GALNT2: variants seen among roughly 807,000 people sequenced by gnomAD.
GALNT2 encodes the protein UDP-GalNAc:polypeptide N-acetylgalactosaminyltransferase 2.
GALNT2 carries 31 observed loss-of-function variants against 81.4 expected under a neutral mutation model. The observed-to-expected ratio is 0.38, with a 90% CI of 0.29 to 0.51. The LOEUF is 0.51. Among genes scored for constraint, GALNT2 ranks in the 20% least tolerant of loss-of-function variants. GALNT2 has a pLI of 0.87. For synonymous variants in GALNT2, 303 were observed against 287.4 expected (o/e 1.05, Z -0.55); for missense variants, 629 against 765.7 (o/e 0.82, Z 2.11).
At position 230,275,977 on chromosome 1, in the gene GALNT2, A is replaced by G. The variant is rs779175630; in HGVS notation, c.1560+1413A>G. ...ATACGTATATATACATGCCACATAT[A>G]TATACGTATATATACATGCCACATA... On this transcript the variant is annotated intron_variant, in intron 15 of 15. Coordinates refer to ENST00000366672, the MANE Select transcript of GALNT2 (RefSeq NM_004481.5). This position sits in a 1 kb window ranked among gnomAD's most constrained non-coding sequence, Gnocchi z 5.5. 1.3e-5 allele frequency among the ~76,000 whole-genome samples: 1 copy of G among 78,090 alleles called. No individual in the cohort carries two copies. Among genetic ancestry groups the G allele is most frequent in the Non-Finnish European group, 2.6e-5 (1 of 38,580 alleles). 51.2% of individuals were successfully genotyped at this position (78,090 alleles called of 152,430 possible). A position where few individuals can be genotyped will look rare whatever the true frequency, so the allele number is the denominator to read the frequency against.
intron 1 of GALNT2, among the ~76,000 whole-genome samples, chr1:230,100,231 A>G (rs911886317): frequency 1.5e-4 from 22 of 151,470 alleles, no homozygotes; most frequent in African/African-American, 5.1e-4. Context: ...TCCATAGGAC[A>G]TTGGTGACAC....
chr1:230,058,811 C>G (rs374378666), intron 1 of GALNT2, among the ~76,000 whole-genome samples: 1 of 152,162 alleles, frequency 6.6e-6, no homozygotes, highest in African/African-American at 2.4e-5. Flanking sequence ...GGATTTTGAG[C>G]TTAGTGTCAC....
intron 1 of GALNT2, among the ~76,000 whole-genome samples, chr1:230,100,866 TATAC>T (rs1660382427): frequency 2.0e-5 from 1 of 49,716 alleles, no homozygotes; most frequent in Non-Finnish European, 4.1e-5. Flanking sequence ...GTATGGGAAA[TATAC>T]ATGTACACAT....
chr1:230,191,664 A>T (rs1305179298), intron 2 of GALNT2, among the ~76,000 whole-genome samples: 1 of 152,196 alleles, frequency 6.6e-6, no homozygotes, highest in African/African-American at 2.4e-5. Flanking sequence ...GGTATGTGCC[A>T]CTATGCCAGA....
chr1:230,150,976 C>T lies in GALNT2; in HGVS notation c.127-27242C>T, dbSNP rs969282727. ...GGCCACCATTCTCAACTCCTCAGGA[C>T]GAGGCTGGTGCACCCGGCATGCAGG... is the stretch of plus-strand genomic sequence containing the variant. On this transcript the variant is annotated intron_variant, in intron 1 of 15. Transcript: ENST00000366672. Among the ~76,000 whole-genome samples the T allele has an allele frequency of 5.3e-5, 8 of 152,324 alleles. No homozygotes were observed. In the East Asian group the frequency reaches 7.7e-4, roughly 15 times the overall value.
At position 230,134,479 on chromosome 1, in the gene GALNT2, A is replaced by G. The variant is rs139237914; in HGVS notation, c.127-43739A>G. Among the ~76,000 whole-genome samples, 45 of 152,314 alleles carry G rather than the reference A, an allele frequency of 3.0e-4. 1 individual carries two copies. In the East Asian group the frequency reaches 7.9e-3, roughly 27 times the overall value. On this transcript the variant is annotated intron_variant, in intron 1 of 15. Transcript: ENST00000366672. ...TCCCCCAATTCCTAACCAGTTGTTC[A>G]GGTGAGACAACCATTTGTTATTTCT...
Position 230,262,723 on chromosome 1 carries a change from G to A in GALNT2, c.1229+58G>A. On this transcript the variant is annotated intron_variant, in intron 12 of 15. Transcript: ENST00000366672. ...GGGGATTCTTGGGGTGTGGGGGTGGGAGGTAAGGGGCTGCCCCCAGCGTTG... is the reference window on the plus strand; with the variant it reads ...GGGGATTCTTGGGGTGTGGGGGTGGAAGGTAAGGGGCTGCCCCCAGCGTTG... The A allele has an allele frequency of 2.3e-6, 3 of 1,293,634 alleles. No homozygotes were observed. In the South Asian group the frequency reaches 3.6e-5, roughly 16 times the overall value. 80.1% of individuals were successfully genotyped at this position (1,293,634 alleles called of 1,614,324 possible). A position where few individuals can be genotyped will look rare whatever the true frequency, so the allele number is the denominator to read the frequency against.
At chr1:230,101,377 C>T (rs1418382453) in intron 1 of GALNT2, among the ~76,000 whole-genome samples, 1 of 152,220 alleles carries the variant, frequency 6.6e-6, no homozygotes, top group Non-Finnish European at 1.5e-5. Context: ...GCCTCTGGAG[C>T]TTATGCCCAG....
rs139348353 is a variant in GALNT2 at position 230,206,498 on chromosome 1, C to T, written c.374+3208C>T. On this transcript the variant is annotated intron_variant, in intron 3 of 15. Transcript: ENST00000366672. ...GTCAATTGGATGCCTAGAGCTGAGC[C>T]GATTTAATGTCTCAAAGTGTAAGCT... 8.7e-3 allele frequency among the ~76,000 whole-genome samples: 1,330 copies of T among 152,140 alleles called. 10 individuals carry two copies. The highest frequency in any genetic ancestry group is 0.014 in the Non-Finnish European group (937 of 67,994).
intron 13 of GALNT2, chr1:230,264,783 C>T (rs925316134): frequency 6.5e-6 from 1 of 153,430 alleles, no homozygotes. Flanking sequence ...TTGTTCTTCC[C>T]CGTGGCTGTG....
intron 1 of GALNT2, among the ~76,000 whole-genome samples, chr1:230,110,841 G>C (rs916075758): frequency 4.9e-4 from 74 of 151,904 alleles, no homozygotes; most frequent in African/African-American, 1.7e-3. Flanking sequence ...GGAAAACTGG[G>C]GAGGCGTGGA....
chr1:230,191,712 T>G (rs1663531918), intron 2 of GALNT2, among the ~76,000 whole-genome samples: 1 of 152,202 alleles, frequency 6.6e-6, no homozygotes, highest in Admixed American at 6.5e-5. Context: ...AGCATCTCGC[T>G]ATGTTCCCCA....
At position 230,131,515 on chromosome 1, in the gene GALNT2, C is replaced by G. The variant is rs572435192; in HGVS notation, c.127-46703C>G. ...TTGCCTGTAACCTCTGCCTCCCCGC[C>G]TTTAAAAACCCTTACCTGTAAGCCA... On this transcript the variant is annotated intron_variant, in intron 1 of 15. Transcript: ENST00000366672. Among the ~76,000 whole-genome samples the G allele has an allele frequency of 1.8e-3, 269 of 152,338 alleles. 1 individual carries two copies. The Middle Eastern group carries it at 0.024, about 13-fold the overall frequency.
intron 2 of GALNT2, among the ~76,000 whole-genome samples, chr1:230,200,460 A>G (rs1663855624): frequency 1.3e-5 from 2 of 152,210 alleles, no homozygotes; most frequent in Non-Finnish European, 2.9e-5. Context: ...TTCTCCCTGC[A>G]GGATCTAGCA....
Position 230,279,978 on chromosome 1 carries a change from G to A in GALNT2, c.*520G>A, listed in dbSNP as rs180852639. 20 of 456,228 alleles carry A rather than the reference G, an allele frequency of 4.4e-5. No individual in the cohort carries two copies. In the East Asian group the frequency reaches 1.2e-3, roughly 27 times the overall value. The allele number at this position is 456,228 out of a possible 1,614,324, so 28.3% of individuals were successfully genotyped here. On this transcript the variant is annotated 3_prime_UTR_variant, in exon 16 of 16. Transcript: ENST00000366672. This position sits in a 1 kb window ranked among gnomAD's most constrained non-coding sequence, Gnocchi z 4.6. ...CCTCTCTCTGCTCCTCCATTCGCAAGTGTCTTCCTGGGCCAGACTCCCCTC... is the reference window on the plus strand; with the variant it reads ...CCTCTCTCTGCTCCTCCATTCGCAAATGTCTTCCTGGGCCAGACTCCCCTC...
At chr1:230,238,794 T>A (rs1211644322) in intron 6 of GALNT2, among the ~76,000 whole-genome samples, 2 of 152,204 alleles carry the variant, frequency 1.3e-5, no homozygotes, top group Non-Finnish European at 2.9e-5. Flanking sequence ...TGGGAAACAT[T>A]GGTCTGTAAT....
At chr1:230,122,663 C>CGT (rs985064654) in intron 1 of GALNT2, among the ~76,000 whole-genome samples, 5 of 151,114 alleles carry the variant, frequency 3.3e-5, no homozygotes, top group African/African-American at 7.3e-5. Flanking sequence ...TGTGTTCATC[C>CGT]GTGTGTGTGT....
chr1:230,063,813 C>T (rs1230606242), upstream of GALNT2, among the ~76,000 whole-genome samples: 1 of 152,200 alleles, frequency 6.6e-6, no homozygotes, highest in East Asian at 1.9e-4. Flanking sequence ...ATCAGAATCA[C>T]AGCACCTGCT....
intron 1 of GALNT2, among the ~76,000 whole-genome samples, chr1:230,140,075 T>G (rs1157313896): frequency 6.6e-6 from 1 of 152,254 alleles, no homozygotes; most frequent in African/African-American, 2.4e-5. Context: ...TCAGCTGTAC[T>G]GGAACTGTCT....
Sources: gnomAD v4.1 joint callset for allele counts (sites outside exome capture counted in the v4.1 genomes callset) on GRCh38, gnomAD v4.1.1 for gene constraint, Gnocchi (gnomAD v3.1) non-coding constraint, MANE v1.5 for transcripts, NCBI Gene and HGNC (gene_info 2026-07-23, HGNC 2026-07-21) for gene names.